Variants in SLC12A7 observed in about 807,000 individuals in gnomAD.
SLC12A7 encodes K-Cl cotransporter 4.
A neutral mutation model predicts 120.6 loss-of-function variants in SLC12A7; 100 were observed. The observed-to-expected ratio is 0.83, with a 90% CI of 0.71 to 0.98. The LOEUF (loss-of-function observed/expected upper bound fraction) is 0.98. Ranked by LOEUF, SLC12A7 falls within the 50% of genes least tolerant of loss-of-function variation. The pLI is 0.00. For synonymous variants in SLC12A7, 760 were observed against 678.0 expected, an observed-to-expected ratio of 1.12 and a Z score of -1.88; for missense variants, 1,373 against 1,548.1, an observed-to-expected ratio of 0.89 and a Z score of 1.90.
At chr5:1,144,730 T>C in the SLC12A7 span, among the ~76,000 whole-genome samples, 1 of 152,146 alleles carries the variant, frequency 6.6e-6, no homozygotes, top group Admixed American at 6.5e-5. Context: ...AGTGGGGACA[T>C]GTGAGAAAAT....
the SLC12A7 span, among the ~76,000 whole-genome samples, chr5:1,133,105 G>A: frequency 4.7e-3 from 712 of 152,208 alleles, 8 homozygotes; most frequent in African/African-American, 0.017. Context: ...TTTGGTAGAC[G>A]GAGTTTCACC....
chr5:1,088,283 C>T (rs1041135660), intron 5 of SLC12A7, 23 bp downstream of exon 5: 6 of 1,574,662 alleles, frequency 3.8e-6, no homozygotes, highest in East Asian at 4.6e-5. Flanking sequence ...GACTCAGGGC[C>T]GCGGCTGGCG....
At chr5:1,079,331 G>A (rs960306665) in intron 10 of SLC12A7, 67 bp downstream of exon 10, 16 of 1,255,972 alleles carry the variant, frequency 1.3e-5, no homozygotes, top group South Asian at 6.0e-5. Flanking sequence ...ATGCTGAGCC[G>A]GGGAGGGCAT....
Position 1,094,178 on chromosome 5 carries a change from T to A in SLC12A7, c.195A>T (p.Glu65Asp). 3.1e-6 allele frequency: 5 copies of A among 1,613,468 alleles called. No individual in the cohort carries two copies. The highest frequency in any genetic ancestry group is 4.2e-6 in the Non-Finnish European group (5 of 1,179,674). The stretch of plus-strand genomic sequence containing the variant: ...CCTCGAAAAGTGCCATGTTCTTCCC[T>A]TCAAAGAAGCTCTCTTGTTCCACCT... ...NVEVEQESFF[E>D]GKNMALFEEE... Residue 65 changes from glutamate (E) to aspartate (D), a missense_variant, in exon 2 of 24, where the codon GAA becomes GAT. By Grantham distance (45) the Glu-to-Asp change is conservative (BLOSUM62 2). Coordinates refer to ENST00000264930, the MANE Select transcript of SLC12A7 (RefSeq NM_006598.3).
At chr5:1,138,272 C>T in the SLC12A7 span, among the ~76,000 whole-genome samples, 1 of 152,192 alleles carries the variant, frequency 6.6e-6, no homozygotes, top group Non-Finnish European at 1.5e-5. Flanking sequence ...TGGGGCAGGG[C>T]AGGGCGGCTT....
intron 13 of SLC12A7, among the ~76,000 whole-genome samples, chr5:1,076,467 GCAGCCGTCTGTC>G (rs905937054): frequency 2.6e-4 from 22 of 85,704 alleles, no homozygotes; most frequent in African/African-American, 7.8e-4. Context: ...CCCTTCCCCA[GCAGCCGTCTGTC>G]CAGCCACACT....
chr5:1,112,173 A>G (rs574337605), upstream of SLC12A7: 1,604 of 653,734 alleles, frequency 2.5e-3, no homozygotes, highest in Middle Eastern at 5.1e-3. Flanking sequence ...GACTTCCTGC[A>G]GGGACCCCAA....
intron 22 of SLC12A7, among the ~76,000 whole-genome samples, chr5:1,053,967 G>A (rs953174310): frequency 3.9e-5 from 6 of 152,206 alleles, no homozygotes; most frequent in Admixed American, 6.5e-5. Flanking sequence ...CCTCCTCTCC[G>A]AGGGTCCTGA....
chr5:1,076,960 G>A, intron 12 of SLC12A7, 148 bp from the exon 13 acceptor site: 1 of 643,826 alleles, frequency 1.6e-6, no homozygotes, highest in African/African-American at 1.8e-5. Context: ...ACATCACGCG[G>A]CTGGCCTGGG....
chr5:1,110,170 T>C (rs1742888611), intron 1 of SLC12A7, among the ~76,000 whole-genome samples: 1 of 152,240 alleles, frequency 6.6e-6, no homozygotes, highest in Non-Finnish European at 1.5e-5. Context: ...GCCCTTTCTG[T>C]GGAAGTAGGA....
At chr5:1,075,512 C>A (rs368126910) in intron 14 of SLC12A7, 22 bp from the exon 15 acceptor site, 3 of 1,603,192 alleles carry the variant, frequency 1.9e-6, no homozygotes, top group South Asian at 2.2e-5. Flanking sequence ...GCAAGTGGCT[C>A]GGGGCGGCCC....
intron 15 of SLC12A7, 61 bp from the exon 16 acceptor site, chr5:1,074,732 G>C: frequency 6.6e-7 from 1 of 1,511,068 alleles, no homozygotes; most frequent in Non-Finnish European, 9.1e-7. Context: ...CTCCCACCTG[G>C]GAAAGGGGAC....
chr5:1,122,927 G>A, the SLC12A7 span, among the ~76,000 whole-genome samples: 12 of 152,376 alleles, frequency 7.9e-5, no homozygotes, highest in East Asian at 5.8e-4. Flanking sequence ...AGCGCCCCAC[G>A]TGCGCACGCA....
At chr5:1,099,664 C>T (rs1016049986) in intron 1 of SLC12A7, among the ~76,000 whole-genome samples, 2 of 152,216 alleles carry the variant, frequency 1.3e-5, no homozygotes, top group African/African-American at 4.8e-5. Flanking sequence ...ATGCTGAACT[C>T]ACCTCACAGA....
At chr5:1,138,519 A>C in the SLC12A7 span, among the ~76,000 whole-genome samples, 3 of 151,996 alleles carry the variant, frequency 2.0e-5, no homozygotes, top group Non-Finnish European at 4.4e-5. Flanking sequence ...TCACCTCTCA[A>C]CCTCATAGGG....
rs1561045290 is a variant in SLC12A7, at chr5:1,065,472, G to GT, written c.2247dup (p.Arg750ThrfsTer166). 6.3e-7 allele frequency: 1 copy of GT among 1,584,734 alleles called. No individual in the cohort carries two copies. On this transcript the variant is annotated frameshift_variant, in exon 18 of 24. Transcript: ENST00000264930. LOFTEE classifies it high-confidence loss of function. ...GTCTTCTCTGTGCTCATTAGGGACC[G>GT]TATGTTCTGCGGGAGACAGGACAGG...
intron 1 of SLC12A7, among the ~76,000 whole-genome samples, chr5:1,104,615 G>C (rs1456983494): frequency 2.0e-5 from 3 of 152,194 alleles, no homozygotes; most frequent in Non-Finnish European, 4.4e-5. Context: ...ACACAGGCCT[G>C]GGCGGGGCCC....
At chr5:1,143,375 T>C in the SLC12A7 span, among the ~76,000 whole-genome samples, 2 of 152,170 alleles carry the variant, frequency 1.3e-5, no homozygotes, top group Non-Finnish European at 1.5e-5. Context: ...GCTGGGCGGT[T>C]TCTCCCAAGG....
chr5:1,063,435 G>A (rs972024233), intron 20 of SLC12A7, among the ~76,000 whole-genome samples: 32 of 152,266 alleles, frequency 2.1e-4, no homozygotes, highest in Non-Finnish European at 3.5e-4. Flanking sequence ...GACCATGGAG[G>A]ACACGGAGAT....
Sources: gnomAD v4.1 joint callset for allele counts (sites outside exome capture counted in the v4.1 genomes callset) on GRCh38, gnomAD v4.1.1 for gene constraint, MANE v1.5 for transcripts, NCBI Gene and HGNC (gene_info 2026-07-23, HGNC 2026-07-21) for gene names.